CEP112: variants seen among roughly 807,000 people sequenced by gnomAD.
CEP112 encodes the protein centrosomal protein 112.
Under a neutral mutation model 153.0 loss-of-function variants are expected in CEP112, and 127 were observed. That is an observed-to-expected ratio of 0.83 (90% CI 0.72 to 0.96). The LOEUF (loss-of-function observed/expected upper bound fraction) is 0.96, where lower values mean the gene tolerates loss of function less well. Among genes scored for constraint, CEP112 ranks in the 40% least tolerant of loss-of-function variants. The probability of loss-of-function intolerance (pLI) is 0.00; values close to 1 mark genes in which losing one functional copy is unlikely to be tolerated. For missense variants in CEP112, 1,089 were observed against 1,101.2 expected (o/e 0.99, Z 0.16); for synonymous variants, 358 against 374.4 (o/e 0.96, Z 0.51).
At chr17:66,102,705 G>C (rs908329788) in intron 6 of CEP112, among the ~76,000 whole-genome samples, 5 of 151,218 alleles carry the variant, frequency 3.3e-5, no homozygotes, top group African/African-American at 7.3e-5. Context: ...GGCTGAGGCA[G>C]GAGAATGGCA....
chr17:66,170,461 T>C (rs1031993664), intron 4 of CEP112, among the ~76,000 whole-genome samples: 13 of 152,184 alleles, frequency 8.5e-5, no homozygotes, highest in African/African-American at 2.9e-4. Context: ...AAATATTTCA[T>C]TGTCAAGAAA....
chr17:65,937,553 T>C (rs1187836813), intron 18 of CEP112, among the ~76,000 whole-genome samples: 95 of 97,390 alleles, frequency 9.8e-4, no homozygotes, highest in Middle Eastern at 9.9e-3. Flanking sequence ...AGCCGCCCCG[T>C]CCGGGAGGGA....
chr17:65,971,410 C>CACGCAGCACATATATTGG (rs2062793880), intron 17 of CEP112, among the ~76,000 whole-genome samples: 1 of 49,798 alleles, frequency 2.0e-5, no homozygotes, highest in African/African-American at 5.9e-5. Context: ...ATATTGCACC[C>CACGCAGCACATATATTGG]ATGCAGCATG....
chr17:65,684,776 C>A (rs1435281129), intron 24 of CEP112, among the ~76,000 whole-genome samples: 1 of 152,156 alleles, frequency 6.6e-6, no homozygotes, highest in Non-Finnish European at 1.5e-5. Flanking sequence ...CACTTACAGA[C>A]CTACCCTGGG....
At chr17:65,714,020 G>C (rs1347687075) in intron 23 of CEP112, among the ~76,000 whole-genome samples, 2 of 152,070 alleles carry the variant, frequency 1.3e-5, no homozygotes, top group Non-Finnish European at 2.9e-5. Flanking sequence ...GCCACACTTT[G>C]AAAGGAGCCT....
chr17:66,171,042 G>A (rs905240823), intron 4 of CEP112, among the ~76,000 whole-genome samples: 2 of 152,098 alleles, frequency 1.3e-5, no homozygotes, highest in African/African-American at 4.8e-5. Context: ...TAAGCCAGAT[G>A]GAGTATGACC....
intron 17 of CEP112, among the ~76,000 whole-genome samples, chr17:66,001,523 G>C (rs1263238988): frequency 6.6e-6 from 1 of 152,112 alleles, no homozygotes; most frequent in Non-Finnish European, 1.5e-5. Flanking sequence ...AATGCAAAAA[G>C]AGTTTAAAAT....
At chr17:66,045,918 C>A (rs1204321188) in intron 12 of CEP112, among the ~76,000 whole-genome samples, 1 of 152,210 alleles carries the variant, frequency 6.6e-6, no homozygotes, top group Non-Finnish European at 1.5e-5. Flanking sequence ...ACTATCATTT[C>A]CTCACAAGTG....
intron 20 of CEP112, among the ~76,000 whole-genome samples, chr17:65,884,706 C>CTTTTT (rs11370374): frequency 2.3e-5 from 3 of 130,652 alleles, no homozygotes; most frequent in Non-Finnish European, 3.1e-5. Flanking sequence ...TTTGTAGTTT[C>CTTTTT]TTTTTTTTTT....
chr17:65,968,568 T>C (rs555312818), intron 17 of CEP112, among the ~76,000 whole-genome samples: 2 of 152,306 alleles, frequency 1.3e-5, no homozygotes, highest in South Asian at 2.1e-4. Flanking sequence ...ACATTTATAG[T>C]GTAGCCATAA....
chr17:66,173,049 T>G (rs2072312208), intron 4 of CEP112, among the ~76,000 whole-genome samples: 1 of 152,214 alleles, frequency 6.6e-6, no homozygotes, highest in African/African-American at 2.4e-5. Flanking sequence ...GCACAGGCTG[T>G]GCCCAATCCT....
intron 8 of CEP112, among the ~76,000 whole-genome samples, chr17:66,092,173 G>A (rs1419660646): frequency 6.6e-6 from 1 of 151,364 alleles, no homozygotes; most frequent in Non-Finnish European, 1.5e-5. Context: ...CCAAGTAGCT[G>A]GGATTACAGG....
intron 22 of CEP112, among the ~76,000 whole-genome samples, chr17:65,744,609 T>C (rs1457434439): frequency 1.3e-5 from 2 of 152,330 alleles, no homozygotes; most frequent in African/African-American, 2.4e-5. Flanking sequence ...TCCAAATAGG[T>C]TGTCCTCTTC....
At chr17:65,725,231 G>T (rs1598406048) in intron 23 of CEP112, among the ~76,000 whole-genome samples, 1 of 152,148 alleles carries the variant, frequency 6.6e-6, no homozygotes, top group African/African-American at 2.4e-5. Flanking sequence ...TAACAGTAAG[G>T]TTGGTGTTGA....
At chr17:65,669,887 A>G (rs1377036072) in intron 24 of CEP112, among the ~76,000 whole-genome samples, 1 of 148,198 alleles carries the variant, frequency 6.7e-6, no homozygotes, top group Non-Finnish European at 1.5e-5. Context: ...TGGGCGACAG[A>G]GCGAGACTTC....
intron 16 of CEP112, among the ~76,000 whole-genome samples, chr17:66,018,576 T>A (rs969228339): frequency 5.3e-5 from 8 of 152,172 alleles, no homozygotes; most frequent in Non-Finnish European, 4.4e-5. Flanking sequence ...ACTGCACAAT[T>A]TCATGGTTTA....
intron 20 of CEP112, among the ~76,000 whole-genome samples, chr17:65,877,820 T>C (rs1380258397): frequency 6.6e-6 from 1 of 152,218 alleles, no homozygotes; most frequent in Non-Finnish European, 1.5e-5. Context: ...AATTATGTGA[T>C]GTGATATGAG....
intron 16 of CEP112, among the ~76,000 whole-genome samples, chr17:66,014,334 T>A (rs67424358): frequency 0.41 from 62,456 of 151,942 alleles, 14,303 homozygotes; most frequent in East Asian, 0.87. Flanking sequence ...AGCATCTGAG[T>A]CTGCACTGTA....
chr17:66,033,954 C>T (rs2065601633), intron 12 of CEP112, among the ~76,000 whole-genome samples: 1 of 151,702 alleles, frequency 6.6e-6, no homozygotes, highest in Non-Finnish European at 1.5e-5. Context: ...TTTTTTTCAA[C>T]TAAATGGTGA....
Sources: allele counts gnomAD v4.1 joint callset (sites outside exome capture counted in the v4.1 genomes callset), GRCh38; gene constraint gnomAD v4.1.1; transcripts MANE v1.5; gene names NCBI Gene and HGNC (gene_info 2026-07-23, HGNC 2026-07-21).